The following GUCY1A2 variants were observed in gnomAD, a reference collection of about 807,000 sequenced individuals.
GUCY1A2 encodes guanylate cyclase soluble subunit alpha-2.
GUCY1A2 carries 27 observed loss-of-function variants against 63.5 expected under a neutral mutation model. The observed-to-expected ratio is 0.43, with a 90% CI of 0.31 to 0.59. The LOEUF (loss-of-function observed/expected upper bound fraction) is 0.59. GUCY1A2 is among the 20% of genes least tolerant of loss of function. GUCY1A2 has a pLI of 0.11. For missense variants in GUCY1A2, 768 were observed against 913.3 expected, an observed-to-expected ratio of 0.84 and a Z score of 2.05; for synonymous variants, 364 against 343.5, an observed-to-expected ratio of 1.06 and a Z score of -0.66.
intron 4 of GUCY1A2, among the ~76,000 whole-genome samples, chr11:106,871,993 C>G (rs1272962638): frequency 6.6e-6 from 1 of 152,082 alleles, no homozygotes; most frequent in Non-Finnish European, 1.5e-5. Context: ...TAGATGTTGT[C>G]ATGTATCCTT....
At chr11:107,015,559 G>A (rs566142575) in intron 1 of GUCY1A2, among the ~76,000 whole-genome samples, 14 of 73,964 alleles carry the variant, frequency 1.9e-4, no homozygotes, top group African/African-American at 7.6e-4. Flanking sequence ...AATTCTCTTA[G>A]GCAAAAAAAA....
At chr11:106,989,621 C>A (rs1861445717) in intron 1 of GUCY1A2, among the ~76,000 whole-genome samples, 1 of 152,006 alleles carries the variant, frequency 6.6e-6, no homozygotes, top group African/African-American at 2.4e-5. Flanking sequence ...ACTCATCCCA[C>A]AGGTGTAATG....
intron 3 of GUCY1A2, among the ~76,000 whole-genome samples, chr11:106,961,109 G>C (rs1008077643): frequency 1.3e-5 from 2 of 151,962 alleles, no homozygotes; most frequent in African/African-American, 4.8e-5. Context: ...TCTCAGATTA[G>C]ACTAGTCTCT....
intron 4 of GUCY1A2, among the ~76,000 whole-genome samples, chr11:106,902,865 T>C (rs137918389): frequency 2.1e-3 from 315 of 152,288 alleles, no homozygotes; most frequent in African/African-American, 7.2e-3. Context: ...GTGCATAGGT[T>C]ATATGCAAAT....
chr11:106,796,205 G>C (rs1321698719), intron 5 of GUCY1A2, among the ~76,000 whole-genome samples: 1 of 152,124 alleles, frequency 6.6e-6, no homozygotes, highest in African/African-American at 2.4e-5. Context: ...GTGTGTCTCT[G>C]CACATGAGAT....
At chr11:106,751,683 TAA>T (rs1863884295) in intron 6 of GUCY1A2, among the ~76,000 whole-genome samples, 1 of 152,116 alleles carries the variant, frequency 6.6e-6, no homozygotes, top group African/African-American at 2.4e-5. Flanking sequence ...TTTTAAAATA[TAA>T]AGTCAATATT....
intron 4 of GUCY1A2, among the ~76,000 whole-genome samples, chr11:106,925,915 C>T (rs914073091): frequency 6.6e-6 from 1 of 151,920 alleles, no homozygotes; most frequent in African/African-American, 2.4e-5. Context: ...TGAAATAAAC[C>T]ATTCGTTCTG....
At chr11:106,916,085 A>G (rs1340081452) in intron 4 of GUCY1A2, among the ~76,000 whole-genome samples, 2 of 145,968 alleles carry the variant, frequency 1.4e-5, no homozygotes, top group African/African-American at 4.9e-5. Context: ...CTGATTATAA[A>G]GACAGCTTTC....
chr11:106,905,771 G>A (rs1860196520), intron 4 of GUCY1A2, among the ~76,000 whole-genome samples: 1 of 152,112 alleles, frequency 6.6e-6, no homozygotes, highest in Non-Finnish European at 1.5e-5. Flanking sequence ...ATAACCCCAT[G>A]AGAAATTCCT....
intron 7 of GUCY1A2, among the ~76,000 whole-genome samples, chr11:106,704,094 A>G (rs1862864386): frequency 6.6e-6 from 1 of 152,116 alleles, no homozygotes; most frequent in Non-Finnish European, 1.5e-5. Context: ...ACAGCTCAAA[A>G]TGCACCTTTG....
intron 3 of GUCY1A2, among the ~76,000 whole-genome samples, chr11:106,958,611 T>TA (rs35988321): frequency 0.26 from 37,239 of 142,746 alleles, 5,099 homozygotes; most frequent in East Asian, 0.49. Flanking sequence ...CTGTTTAATA[T>TA]AAAAAAAAAA....
At chr11:106,830,418 G>A (rs1859034482) in intron 4 of GUCY1A2, among the ~76,000 whole-genome samples, 2 of 152,196 alleles carry the variant, frequency 1.3e-5, no homozygotes, top group South Asian at 4.1e-4. Context: ...TTGTTCCTGG[G>A]TGTGTCTGTG....
chr11:106,847,269 GTT>G (rs1379400358), intron 4 of GUCY1A2, among the ~76,000 whole-genome samples: 1 of 145,300 alleles, frequency 6.9e-6, no homozygotes, highest in Non-Finnish European at 1.5e-5. Flanking sequence ...AAAAATTGTG[GTT>G]TTTATAAGGA....
intron 3 of GUCY1A2, among the ~76,000 whole-genome samples, chr11:106,973,516 A>T (rs528916344): frequency 2.8e-4 from 42 of 152,234 alleles, no homozygotes; most frequent in African/African-American, 8.9e-4. Flanking sequence ...TCCCAAGTAC[A>T]TTTGAAAGAG....
chr11:106,972,207 T>C (rs1413209566), intron 3 of GUCY1A2, among the ~76,000 whole-genome samples: 4 of 152,192 alleles, frequency 2.6e-5, no homozygotes, highest in African/African-American at 9.6e-5. Context: ...GCATGGAATT[T>C]TGTTAATAAT....
intron 4 of GUCY1A2, among the ~76,000 whole-genome samples, chr11:106,843,548 T>C (rs1473594459): frequency 2.6e-5 from 4 of 151,842 alleles, no homozygotes; most frequent in South Asian, 2.1e-4. Context: ...AAGTAAAGAA[T>C]AGGAAAAAGG....
At chr11:106,816,734 A>C (rs146814583) in intron 4 of GUCY1A2, among the ~76,000 whole-genome samples, 386 of 152,118 alleles carry the variant, frequency 2.5e-3, no homozygotes, top group South Asian at 6.4e-3. Flanking sequence ...ACAGCTAAGT[A>C]AACAAAAATC....
rs1349254509 is a variant in GUCY1A2 at position 106,939,758 on chromosome 11, T to A, written c.908A>T (p.Lys303Met). The A allele has an allele frequency of 2.5e-6, 4 of 1,613,970 alleles. No individual in the cohort carries two copies. In the African/African-American group the frequency reaches 5.3e-5, roughly 22 times the overall value. ...IKECENTNIM[K>M]NLPQGTSQVP... Reference sequence around the variant, plus strand: ...TTGGGAGGTTCCCTGTGGAAGGTTCTTCATGATATTAGTATTTTCACATTC... The same window carrying A: ...TTGGGAGGTTCCCTGTGGAAGGTTCATCATGATATTAGTATTTTCACATTC... Residue 303 changes from lysine to methionine, a missense_variant, in exon 4 of 8, where the codon AAG becomes ATG. Around this residue, in one of 3 missense-constraint regions of GUCY1A2, gnomAD observed 496 missense variants for 486.9 expected, o/e 1.02. Transcript: ENST00000526355.
chr11:106,798,418 G>A (rs1864808066), intron 5 of GUCY1A2, among the ~76,000 whole-genome samples: 1 of 152,150 alleles, frequency 6.6e-6, no homozygotes, highest in African/African-American at 2.4e-5. Context: ...ATTTTATGAG[G>A]CCAGCATCAT....
Sources: allele counts gnomAD v4.1 joint callset (sites outside exome capture counted in the v4.1 genomes callset), GRCh38; gene constraint gnomAD v4.1.1; regional missense constraint gnomAD v4.1.1; transcripts MANE v1.5; gene names NCBI Gene and HGNC (gene_info 2026-07-23, HGNC 2026-07-21).